GDPD4: variants seen among roughly 807,000 people sequenced by gnomAD.
GDPD4 encodes the protein glycerophosphodiester phosphodiesterase 6.
Under a neutral mutation model 67.8 loss-of-function variants are expected in GDPD4, and 60 were observed. That is an observed-to-expected ratio of 0.88 (90% CI 0.72 to 1.10). GDPD4 has a LOEUF of 1.10. GDPD4 is among the 50% of genes least tolerant of loss of function. GDPD4 has a pLI of 0.00. For synonymous variants in GDPD4, 212 were observed against 210.9 expected (o/e 1.00, Z -0.04); for missense variants, 623 against 613.9 (o/e 1.01, Z -0.16).
intron 16 of GDPD4, among the ~76,000 whole-genome samples, chr11:77,223,607 G>A (rs560955422): frequency 2.6e-5 from 4 of 152,184 alleles, no homozygotes; most frequent in African/African-American, 4.8e-5. Context: ...CCTGTCAGTC[G>A]GCCTCTACTG....
chr11:77,232,875 G>T, intron 14 of GDPD4, 150 bp downstream of exon 14: 1 of 625,260 alleles, frequency 1.6e-6, no homozygotes, highest in Non-Finnish European at 2.7e-6. Context: ...AAGGATCTGT[G>T]AGAATGGAAA....
intron 5 of GDPD4, 28 bp downstream of exon 5, chr11:77,276,133 G>T: frequency 6.3e-7 from 1 of 1,577,500 alleles, no homozygotes; most frequent in Non-Finnish European, 8.7e-7. Flanking sequence ...CTGGTCTAAG[G>T]TTTCCTATGT....
chr11:77,223,049 A>C (rs1410263692), intron 16 of GDPD4, among the ~76,000 whole-genome samples: 2 of 152,112 alleles, frequency 1.3e-5, no homozygotes, highest in African/African-American at 2.4e-5. Context: ...CGTAGTTCTC[A>C]TGCCATGGTT....
At chr11:77,261,897 C>T (rs760428042) in intron 10 of GDPD4, among the ~76,000 whole-genome samples, 6 of 152,220 alleles carry the variant, frequency 3.9e-5, no homozygotes, top group Non-Finnish European at 7.3e-5. Context: ...GGTTTAAGCT[C>T]TTTGGCCCAG....
chr11:77,230,699 T>G (rs113338124), intron 14 of GDPD4, among the ~76,000 whole-genome samples: 1 of 152,202 alleles, frequency 6.6e-6, no homozygotes, highest in Non-Finnish European at 1.5e-5. Flanking sequence ...TTGTGAAGTA[T>G]GTATGTGGCA....
At chr11:77,265,679 T>C (rs1487225155) in intron 10 of GDPD4, among the ~76,000 whole-genome samples, 1 of 152,210 alleles carries the variant, frequency 6.6e-6, no homozygotes, top group African/African-American at 2.4e-5. Context: ...TTTAGTTCTA[T>C]ATTTAGTTTA....
At chr11:77,276,102 G>A in intron 5 of GDPD4, 59 bp downstream of exon 5, 1 of 1,230,696 alleles carries the variant, frequency 8.1e-7, no homozygotes, top group Non-Finnish European at 1.2e-6. Flanking sequence ...AGCATGTTCA[G>A]GCCTGGTCTA....
At chr11:77,236,307 A>G (rs559202849) in intron 13 of GDPD4, among the ~76,000 whole-genome samples, 2 of 152,190 alleles carry the variant, frequency 1.3e-5, no homozygotes, top group East Asian at 1.9e-4. Flanking sequence ...TACATTAGGT[A>G]TATCTCCTAA....
At position 77,233,171 on chromosome 11, in the gene GDPD4, C is replaced by G; in HGVS notation, c.1243G>C (p.Asp415His). The change falls in exon 14 of 17, where the codon GAT (aspartate) becomes CAT (histidine). Residue 415 changes from aspartate (D) to histidine (H), a missense_variant and splice_region_variant. Physicochemically the swap from Asp to His is moderately conservative, Grantham distance 81. Coordinates refer to ENST00000315938, the MANE Select transcript of GDPD4 (RefSeq NM_182833.3). ...YKKLFPNGLR[D>H]YKAANIHINV... ...ATATGGATGTTAGCTGCTTTATAAT[C>G]TCTGGAACAAAAACAGAACCCACAG... The G allele has an allele frequency of 6.2e-7, 1 of 1,613,136 alleles. No individual in the cohort carries two copies. Among genetic ancestry groups the G allele is most frequent in the African/African-American group, 1.3e-5 (1 of 75,016 alleles).
intron 16 of GDPD4, among the ~76,000 whole-genome samples, chr11:77,219,997 AT>A (rs778570758): frequency 5.3e-5 from 8 of 152,116 alleles, no homozygotes; most frequent in Admixed American, 1.3e-4. Flanking sequence ...GTATCCTGAG[AT>A]TTTGCTGAAG....
At chr11:77,240,571 G>A (rs924049847) in intron 13 of GDPD4, among the ~76,000 whole-genome samples, 23 of 152,162 alleles carry the variant, frequency 1.5e-4, no homozygotes, top group African/African-American at 5.5e-4. Flanking sequence ...ATTGGTCTCT[G>A]GGCAATGATT....
intron 16 of GDPD4, among the ~76,000 whole-genome samples, chr11:77,227,521 G>C (rs943680739): frequency 2.0e-5 from 3 of 152,186 alleles, no homozygotes; most frequent in Non-Finnish European, 2.9e-5. Flanking sequence ...CCACCCTCCA[G>C]AGACATCTTT....
rs143304826 is a variant in GDPD4 at position 77,264,348 on chromosome 11, G to A, written c.707+4109C>T. Among the ~76,000 whole-genome samples, 268 of 152,220 alleles carry A rather than the reference G, an allele frequency of 1.8e-3. 1 individual carries two copies. The highest frequency in any genetic ancestry group is 3.3e-3 in the Non-Finnish European group (226 of 68,014). ...TAGCTGCAATTTTATAAAGTGGGAT[G>A]AGCACTATCAAATTCACTTTGGGGT... On this transcript the variant is annotated intron_variant, in intron 10 of 16. Coordinates refer to ENST00000315938, the MANE Select transcript of GDPD4 (RefSeq NM_182833.3).
chr11:77,283,185 G>A (rs903219568), intron 3 of GDPD4, among the ~76,000 whole-genome samples: 4 of 152,210 alleles, frequency 2.6e-5, no homozygotes, highest in Non-Finnish European at 4.4e-5. Context: ...AATGGTTAGG[G>A]TTCCAAGCCA....
At chr11:77,233,198 G>GTTTT in intron 13 of GDPD4, 26 bp from the exon 14 acceptor site, 1 of 1,606,060 alleles carries the variant, frequency 6.2e-7, no homozygotes, top group Non-Finnish European at 8.5e-7. Flanking sequence ...AACCCACAGG[G>GTTTT]GATTTAGATC....
intron 7 of GDPD4, 44 bp downstream of exon 7, chr11:77,271,086 C>A (rs887846415): frequency 4.6e-5 from 63 of 1,368,324 alleles, no homozygotes; most frequent in Non-Finnish European, 5.8e-5. Flanking sequence ...CAAGCTAAAG[C>A]CAGAGCTGAA....
In GDPD4 at chr11:77,282,855, A is replaced by G. The variant is rs911639535; in HGVS notation, c.53+2230T>C. Among the ~76,000 whole-genome samples, 6 of 152,294 alleles carry G rather than the reference A, an allele frequency of 3.9e-5. No homozygotes were observed. The East Asian group carries it at 1.2e-3, about 29-fold the overall frequency. On this transcript the variant is annotated intron_variant, in intron 3 of 16. Transcript: ENST00000315938. ...AATATTGCCAAACTGGATTTGAGAA[A>G]CCCAACCATATGCTATTTATAAGAG...
intron 13 of GDPD4, among the ~76,000 whole-genome samples, chr11:77,243,145 T>C (rs1181398733): frequency 2.6e-5 from 4 of 152,180 alleles, no homozygotes; most frequent in Non-Finnish European, 5.9e-5. Context: ...TATTCCCAGG[T>C]GCTTTTAATT....
At chr11:77,217,453 A>T in intron 16 of GDPD4, 139 bp from the exon 17 acceptor site, 1 of 750,448 alleles carries the variant, frequency 1.3e-6, no homozygotes, top group South Asian at 1.5e-5. Context: ...TCTCCCCTCT[A>T]CCTCAGGCTT....
Sources: gnomAD v4.1 joint callset for allele counts (sites outside exome capture counted in the v4.1 genomes callset) on GRCh38, gnomAD v4.1.1 for gene constraint, MANE v1.5 for transcripts, NCBI Gene and HGNC (gene_info 2026-07-23, HGNC 2026-07-21) for gene names.